The following LMO2 variants were observed in gnomAD, a reference collection of about 807,000 sequenced individuals.
LMO2 encodes LIM domain only 2.
LMO2 carries 20 observed loss-of-function variants against 23.2 expected under a neutral mutation model. That is an observed-to-expected ratio of 0.86 (90% CI 0.61 to 1.25). The LOEUF (loss-of-function observed/expected upper bound fraction) is 1.25. Ranked by LOEUF, LMO2 falls within the 50% of genes most tolerant of loss-of-function variation. The pLI is 0.00. For missense variants in LMO2, 270 were observed against 315.3 expected, an observed-to-expected ratio of 0.86 and a Z score of 1.09; for synonymous variants, 123 against 130.2, an observed-to-expected ratio of 0.94 and a Z score of 0.38.
rs992766012 is a variant in LMO2 at position 33,869,465 on chromosome 11, C to A, written c.129G>T (p.Gly43=). 66 of 1,209,064 alleles carry A rather than the reference C, an allele frequency of 5.5e-5. No homozygotes were observed. The highest frequency in any genetic ancestry group is 4.5e-5 in the Non-Finnish European group (44 of 969,706). The allele number at this position is 1,209,064 out of a possible 1,614,324, so 74.9% of individuals were successfully genotyped here. ...GGGGGARAPE[G]VRAPAAGQPR... is the part of the protein sequence containing the mutation. ...GCTGGCCGGCTGCCGGGGCTCGGAC[C>A]CCCTCGGGTGCTCGGGCGCCGCCGC... is the stretch of plus-strand genomic sequence containing the variant. Residue 43 remains glycine, a synonymous_variant, in exon 4 of 6, where the codon GGG becomes GGT. Coordinates refer to ENST00000257818, the MANE Select transcript of LMO2 (RefSeq NM_005574.4).
rs1438345549 is a variant in LMO2 at position 33,859,529 on chromosome 11, G to A, written c.511C>T (p.Arg171Cys). 2.5e-6 allele frequency: 4 copies of A among 1,614,088 alleles called. No homozygotes were observed. Among genetic ancestry groups the A allele is most frequent in the Middle Eastern group, 1.7e-4 (1 of 6,056 alleles). The change falls in exon 6 of 6, where the codon CGT (arginine) becomes TGT (cysteine). Residue 171 changes from arginine (R) to cysteine (C), a missense_variant. By Grantham distance (180) the Arg-to-Cys change is radical. Coordinates refer to ENST00000257818, the MANE Select transcript of LMO2 (RefSeq NM_005574.4). ...ACCCGCATTGTCATCTCATAGGCACGAATCCGCTTGTCACAGGATGCGCAG... is the reference window on the plus strand; with the variant it reads ...ACCCGCATTGTCATCTCATAGGCACAAATCCGCTTGTCACAGGATGCGCAG... ...GLCASCDKRI[R>C]AYEMTMRVKD... is the part of the protein sequence containing the mutation.
chr11:33,880,876 A>G lies in LMO2; in HGVS notation c.-272+948T>C. ...GAGCTCCAACACATTCTTCAGTGCA[A>G]TCAGTGGCAATCCCTGCCCACTTAG... On this transcript the variant is annotated intron_variant, in intron 2 of 5. Coordinates refer to ENST00000257818, the MANE Select transcript of LMO2 (RefSeq NM_005574.4). The surrounding 1 kb of genome is among the most constrained non-coding windows in gnomAD (Gnocchi z 4.3). 3.5e-6 allele frequency: 1 copy of G among 282,694 alleles called. No homozygotes were observed. The highest frequency in any genetic ancestry group is 9.6e-5 in the East Asian group (1 of 10,394). 17.5% of individuals were successfully genotyped at this position (282,694 alleles called of 1,614,324 possible). A position where few individuals can be genotyped will look rare whatever the true frequency, so the allele number is the denominator to read the frequency against.
chr11:33,888,654 T>C (rs1226880391), intron 1 of LMO2, among the ~76,000 whole-genome samples: 3 of 152,192 alleles, frequency 2.0e-5, no homozygotes. Flanking sequence ...GCGCATTCCA[T>C]TTTCCCTCAC....
rs941062307 is a variant in LMO2 at position 33,891,920 on chromosome 11, C to T, written c.-461G>A. On this transcript the variant is annotated 5_prime_UTR_variant, in exon 1 of 6. Coordinates refer to ENST00000257818, the MANE Select transcript of LMO2 (RefSeq NM_005574.4). ...TCGGGAGGCCCTGGCACCCTAGCACCTGGTGCCTGTGCCATCTCCCCTCTC... is the reference window on the plus strand; with the variant it reads ...TCGGGAGGCCCTGGCACCCTAGCACTTGGTGCCTGTGCCATCTCCCCTCTC... The T allele has an allele frequency of 6.6e-6, 1 of 152,368 alleles. No homozygotes were observed. The highest frequency in any genetic ancestry group is 2.4e-5 in the African/African-American group (1 of 41,454). 9.4% of individuals were successfully genotyped at this position (152,368 alleles called of 1,614,324 possible).
In LMO2 at chr11:33,880,905, T is replaced by C. The variant is rs1271597433; in HGVS notation, c.-272+919A>G. On this transcript the variant is annotated intron_variant, in intron 2 of 5. Coordinates refer to ENST00000257818, the MANE Select transcript of LMO2 (RefSeq NM_005574.4). The surrounding 1 kb of genome is among the most constrained non-coding windows in gnomAD (Gnocchi z 4.3). ...GTGGCAATCCCTGCCCACTTAGGAC[T>C]TTTCGAATAGTGCTCATCCCTGACT... The C allele has an allele frequency of 3.2e-6, 1 of 309,706 alleles. No individual in the cohort carries two copies. The highest frequency in any genetic ancestry group is 6.4e-6 in the Non-Finnish European group (1 of 157,480). 19.2% of individuals were successfully genotyped at this position (309,706 alleles called of 1,614,324 possible).
At chr11:33,870,040 C>G in intron 2 of LMO2, 53 bp from the exon 3 acceptor site, 1 of 730,506 alleles carries the variant, frequency 1.4e-6, no homozygotes. Flanking sequence ...GAGACAGCTG[C>G]CCGGTCCCCC....
At chr11:33,862,867 T>C (rs565766212) in intron 5 of LMO2, among the ~76,000 whole-genome samples, 6 of 152,230 alleles carry the variant, frequency 3.9e-5, no homozygotes, top group African/African-American at 9.6e-5. Flanking sequence ...AATTAACATG[T>C]TGCCTAGGAA....
chr11:33,880,096 G>C lies in LMO2; in HGVS notation c.-272+1728C>G, dbSNP rs546801892. 1.3e-5 allele frequency among the ~76,000 whole-genome samples: 2 copies of C among 151,814 alleles called. No individual in the cohort carries two copies. The highest frequency in any genetic ancestry group is 6.6e-5 in the Admixed American group (1 of 15,244). On this transcript the variant is annotated intron_variant, in intron 2 of 5. Transcript: ENST00000257818. This position sits in a 1 kb window ranked among gnomAD's most constrained non-coding sequence, Gnocchi z 4.3. ...ATAGCCAGAAAGTGGAAGCAACCAA[G>C]TGTCTATCAACAGATGGATTTTTTA... is the stretch of plus-strand genomic sequence containing the variant.
intron 1 of LMO2, among the ~76,000 whole-genome samples, chr11:33,887,849 C>G (rs1857450887): frequency 6.6e-6 from 1 of 152,108 alleles, no homozygotes; most frequent in Non-Finnish European, 1.5e-5. Flanking sequence ...GATGGGATTA[C>G]AGGTGTGAGC....
At chr11:33,867,110 A>T (rs1331745822) in intron 4 of LMO2, among the ~76,000 whole-genome samples, 1 of 152,218 alleles carries the variant, frequency 6.6e-6, no homozygotes, top group Non-Finnish European at 1.5e-5. Flanking sequence ...ACTGCCTGGA[A>T]TTCAAATGAA....
intron 1 of LMO2, among the ~76,000 whole-genome samples, chr11:33,886,938 C>T (rs571866408): frequency 3.5e-4 from 54 of 152,304 alleles, no homozygotes; most frequent in Non-Finnish European, 6.6e-4. Context: ...TCAGGGACTT[C>T]GCTCTTCCAT....
At chr11:33,881,743 C>T (rs1857288501) in intron 2 of LMO2, 81 bp downstream of exon 2, 1 of 238,668 alleles carries the variant, frequency 4.2e-6, no homozygotes, top group Non-Finnish European at 8.4e-6. Flanking sequence ...GCCTTCTTAG[C>T]CCAGTTTCTG....
intron 2 of LMO2, among the ~76,000 whole-genome samples, chr11:33,875,030 A>G (rs1857103109): frequency 6.6e-6 from 1 of 152,136 alleles, no homozygotes; most frequent in Non-Finnish European, 1.5e-5. Context: ...AGGAGTTTGA[A>G]AGCACCTCCC....
At chr11:33,888,274 C>G (rs953412916) in intron 1 of LMO2, among the ~76,000 whole-genome samples, 6 of 152,206 alleles carry the variant, frequency 3.9e-5, no homozygotes, top group Non-Finnish European at 8.8e-5. Context: ...GCTTCTGCCC[C>G]ATCCACACAG....
chr11:33,891,430 A>T (rs939065389), intron 1 of LMO2, among the ~76,000 whole-genome samples: 1 of 151,830 alleles, frequency 6.6e-6, no homozygotes, highest in Non-Finnish European at 1.5e-5. Context: ...ATCATGGTAA[A>T]CACAAGCCTC....
At chr11:33,882,976 G>A (rs1379658345) in intron 1 of LMO2, among the ~76,000 whole-genome samples, 1 of 152,172 alleles carries the variant, frequency 6.6e-6, no homozygotes, top group Non-Finnish European at 1.5e-5. Context: ...CAGATCAAGG[G>A]AGAAACCTCA....
At position 33,869,968 on chromosome 11, in the gene LMO2, C is replaced by A; in HGVS notation, c.-252G>T. The A allele has an allele frequency of 3.9e-6, 4 of 1,036,866 alleles. No individual in the cohort carries two copies. The highest frequency in any genetic ancestry group is 4.6e-6 in the Non-Finnish European group (4 of 862,350). 64.2% of individuals were successfully genotyped at this position (1,036,866 alleles called of 1,614,324 possible). Reference sequence around the variant, plus strand: ...ATTTTCGCTCAGCTTCCCTCTGTCTCTGGTTTCATTTCCTTTTTCCTGATC... The same window carrying A: ...ATTTTCGCTCAGCTTCCCTCTGTCTATGGTTTCATTTCCTTTTTCCTGATC... On this transcript the variant is annotated 5_prime_UTR_variant, in exon 3 of 6. It introduces an in-frame stop codon into an upstream open reading frame of the 5' UTR. Coordinates refer to ENST00000257818, the MANE Select transcript of LMO2 (RefSeq NM_005574.4).
At chr11:33,863,474 C>A (rs1307053638) in intron 5 of LMO2, among the ~76,000 whole-genome samples, 1 of 152,044 alleles carries the variant, frequency 6.6e-6, no homozygotes, top group Non-Finnish European at 1.5e-5. Context: ...AAAAGCTGGC[C>A]CAGCAGCCAA....
intron 2 of LMO2, among the ~76,000 whole-genome samples, chr11:33,879,860 G>T (rs753133117): frequency 1.3e-5 from 2 of 152,182 alleles, no homozygotes; most frequent in Admixed American, 1.3e-4. Context: ...TACTGGTGAG[G>T]ATCTGGAGGG....
Sources: allele counts gnomAD v4.1 joint callset (sites outside exome capture counted in the v4.1 genomes callset), GRCh38; gene constraint gnomAD v4.1.1; non-coding constraint Gnocchi (gnomAD v3.1); transcripts MANE v1.5; gene names NCBI Gene and HGNC (gene_info 2026-07-23, HGNC 2026-07-21).